The following RIMS2 variants were observed in gnomAD, a reference collection of about 807,000 sequenced individuals.
RIMS2 encodes regulating synaptic membrane exocytosis 2, also known as regulating synaptic membrane exocytosis protein 2.
In RIMS2, 59 loss-of-function variants were observed where a neutral mutation model predicts 174.4. That is an observed-to-expected ratio of 0.34 (90% CI 0.27 to 0.42). The LOEUF (loss-of-function observed/expected upper bound fraction) is 0.42, where lower values mean the gene tolerates loss of function less well. Among genes scored for constraint, RIMS2 ranks in the 10% least tolerant of loss-of-function variants. RIMS2 has a pLI of 1.00. For synonymous variants in RIMS2, 606 were observed against 572.5 expected, an observed-to-expected ratio of 1.06 and a Z score of -0.84; for missense variants, 1,620 against 1,666.3, an observed-to-expected ratio of 0.97 and a Z score of 0.48.
chr8:104,204,544 A>T (rs1380421438), intron 19 of RIMS2, among the ~76,000 whole-genome samples: 3 of 151,882 alleles, frequency 2.0e-5, no homozygotes, highest in African/African-American at 7.2e-5. Flanking sequence ...ATATTAAAAA[A>T]TTTACAGAGA....
intron 19 of RIMS2, among the ~76,000 whole-genome samples, chr8:104,239,946 A>T (rs370354524): frequency 6.6e-6 from 1 of 152,102 alleles, no homozygotes; most frequent in African/African-American, 2.4e-5. Context: ...ACAGAATCCA[A>T]TTCCTTACAG....
intron 3 of RIMS2, among the ~76,000 whole-genome samples, chr8:103,837,575 T>C (rs1235165757): frequency 3.3e-5 from 5 of 152,202 alleles, no homozygotes; most frequent in Non-Finnish European, 7.3e-5. Flanking sequence ...TGTGTTCTCA[T>C]TGTTCAATTC....
At chr8:104,127,348 C>A in intron 19 of RIMS2, among the ~76,000 whole-genome samples, 1 of 152,156 alleles carries the variant, frequency 6.6e-6, no homozygotes, top group Admixed American at 6.6e-5. Context: ...ACCATTGATT[C>A]AGCAAACATC....
At chr8:103,995,947 T>C (rs2095065605) in intron 17 of RIMS2, among the ~76,000 whole-genome samples, 1 of 151,834 alleles carries the variant, frequency 6.6e-6, no homozygotes, top group Non-Finnish European at 1.5e-5. Context: ...AATGAGGAAA[T>C]GGAGGAGTTA....
intron 3 of RIMS2, among the ~76,000 whole-genome samples, chr8:103,782,846 A>G (rs2154434165): frequency 6.6e-6 from 1 of 152,192 alleles, no homozygotes; most frequent in South Asian, 2.1e-4. Context: ...CTTTATTTAC[A>G]TGGATTTTTA....
At chr8:103,932,326 A>G (rs1219935231) in intron 12 of RIMS2, among the ~76,000 whole-genome samples, 1 of 152,214 alleles carries the variant, frequency 6.6e-6, no homozygotes, top group Non-Finnish European at 1.5e-5. Context: ...TGTCACCTGA[A>G]CAACAATCTC....
intron 1 of RIMS2, among the ~76,000 whole-genome samples, chr8:103,590,855 G>A (rs569308909): frequency 7.9e-5 from 12 of 151,170 alleles, no homozygotes; most frequent in Non-Finnish European, 1.5e-4. Context: ...TGTGGTTCTT[G>A]TTGAAGTGTT....
intron 19 of RIMS2, among the ~76,000 whole-genome samples, chr8:104,198,289 G>T (rs980401249): frequency 6.6e-6 from 1 of 152,176 alleles, no homozygotes; most frequent in African/African-American, 2.4e-5. Context: ...CAGACCCCTG[G>T]CCAGCTAGCT....
chr8:103,913,266 C>G (rs1005832901), intron 6 of RIMS2, among the ~76,000 whole-genome samples: 2 of 151,890 alleles, frequency 1.3e-5, no homozygotes, highest in East Asian at 3.9e-4. Flanking sequence ...GCGTGAGCCA[C>G]TGCGCTCAGC....
chr8:103,545,734 A>G (rs1041960170), intron 1 of RIMS2, among the ~76,000 whole-genome samples: 7 of 152,232 alleles, frequency 4.6e-5, no homozygotes, highest in African/African-American at 1.4e-4. Flanking sequence ...GCATTCTTAA[A>G]GAAAAGAAAT....
intron 19 of RIMS2, among the ~76,000 whole-genome samples, chr8:104,201,300 A>G (rs968725171): frequency 2.0e-5 from 3 of 152,200 alleles, no homozygotes; most frequent in Admixed American, 6.5e-5. Flanking sequence ...TAATTGCTGC[A>G]TAGAATTCAG....
chr8:103,533,883 G>A (rs1040779713), intron 1 of RIMS2, among the ~76,000 whole-genome samples: 2 of 152,068 alleles, frequency 1.3e-5, no homozygotes, highest in African/African-American at 4.8e-5. Flanking sequence ...AGTGAACTTC[G>A]TTCCTTCTTG....
chr8:103,697,839 A>T (rs1208515525), intron 2 of RIMS2, among the ~76,000 whole-genome samples: 1 of 152,140 alleles, frequency 6.6e-6, no homozygotes, highest in Non-Finnish European at 1.5e-5. Context: ...AGCCTGGCCA[A>T]TATGGTGAAA....
intron 19 of RIMS2, among the ~76,000 whole-genome samples, chr8:104,027,593 T>C (rs188259323): frequency 7.9e-5 from 12 of 152,336 alleles, no homozygotes; most frequent in Non-Finnish European, 1.5e-4. Context: ...AGAAAGAGTG[T>C]AGTTCTTGAA....
chr8:103,730,292 T>TAG (rs1398224964), intron 2 of RIMS2, among the ~76,000 whole-genome samples: 1 of 151,978 alleles, frequency 6.6e-6, no homozygotes, highest in Non-Finnish European at 1.5e-5. Flanking sequence ...GTTATATATA[T>TAG]AGAGGACCTC....
At chr8:104,056,430 G>C (rs1406726347) in intron 19 of RIMS2, among the ~76,000 whole-genome samples, 1 of 151,776 alleles carries the variant, frequency 6.6e-6, no homozygotes, top group East Asian at 1.9e-4. Context: ...TTTTGTAGCA[G>C]ATGGAATTAT....
intron 1 of RIMS2, among the ~76,000 whole-genome samples, chr8:103,558,914 G>T (rs531923866): frequency 4.6e-4 from 70 of 152,122 alleles, no homozygotes; most frequent in African/African-American, 1.6e-3. Context: ...AAATTCTTGT[G>T]GTTTTGTTTG....
At chr8:103,712,096 A>G (rs983870305) in intron 2 of RIMS2, among the ~76,000 whole-genome samples, 2 of 151,774 alleles carry the variant, frequency 1.3e-5, no homozygotes, top group Non-Finnish European at 2.9e-5. Flanking sequence ...GGTTCAAGGA[A>G]TCCTCCTGCT....
chr8:104,005,389 T>C (rs1335549729), intron 17 of RIMS2, among the ~76,000 whole-genome samples: 2 of 152,190 alleles, frequency 1.3e-5, no homozygotes, highest in African/African-American at 2.4e-5. Context: ...AATAAGTAGC[T>C]TCTGCAGATG....
Sources: allele counts gnomAD v4.1 joint callset (sites outside exome capture counted in the v4.1 genomes callset), GRCh38; gene constraint gnomAD v4.1.1; transcripts MANE v1.5; gene names NCBI Gene and HGNC (gene_info 2026-07-23, HGNC 2026-07-21).